EMID1: variants seen among roughly 807,000 people sequenced by gnomAD.
EMID1 encodes EMI domain-containing protein 1.
EMID1 carries 40 observed loss-of-function variants against 60.6 expected under a neutral mutation model. The observed-to-expected ratio is 0.66, with a 90% CI of 0.51 to 0.86. The LOEUF (loss-of-function observed/expected upper bound fraction) is 0.86. Ranked by LOEUF, EMID1 falls within the 40% of genes least tolerant of loss-of-function variation. The pLI is 0.00. For missense variants in EMID1, 585 were observed against 597.1 expected (o/e 0.98, Z 0.21); for synonymous variants, 242 against 231.0 (o/e 1.05, Z -0.43).
chr22:29,234,234 TG>T (rs1343254392), intron 11 of EMID1, 35 bp downstream of exon 11: 1 of 1,609,488 alleles, frequency 6.2e-7, no homozygotes, highest in Admixed American at 1.7e-5. Context: ...GGGGGAATTC[TG>T]GGGAGTCCTG....
chr22:29,225,184 G>A lies in EMID1; in HGVS notation c.371G>A (p.Arg124Gln), dbSNP rs34772704. 3.8e-3 allele frequency: 6,057 copies of A among 1,613,960 alleles called. 19 individuals are homozygous for A. The highest frequency in any genetic ancestry group is 0.015 in the Middle Eastern group (89 of 6,060). ...LEPMWSGSTM[R>Q]RMALRPTAFS... ...CCCATGTGGTCGGGCAGTACCATGC[G>A]GCGGATGGCGCTTCGGCCCACAGCC... The change falls in exon 4 of 15, where the codon CGG (arginine) becomes CAG (glutamine). Residue 124 changes from arginine (R) to glutamine (Q), a missense_variant. Arg to Gln is a conservative substitution (Grantham distance 43). Transcript: ENST00000334018.
Position 29,205,959 on chromosome 22 carries a change from C to A in EMID1, c.-80C>A. 5.7e-6 allele frequency: 5 copies of A among 872,788 alleles called. No individual in the cohort carries two copies. The highest frequency in any genetic ancestry group is 5.3e-5 in the South Asian group (1 of 18,992). 54.1% of individuals were successfully genotyped at this position (872,788 alleles called of 1,614,324 possible). Reference sequence around the variant, plus strand: ...GGCTCCGCGCGTCCGGGGCGGCTGGCGGCGCGGGCAGGCAGGCGGGGAGGA... The same window carrying A: ...GGCTCCGCGCGTCCGGGGCGGCTGGAGGCGCGGGCAGGCAGGCGGGGAGGA... On this transcript the variant is annotated 5_prime_UTR_variant, in exon 1 of 15. Transcript: ENST00000334018.
chr22:29,231,064 A>G lies in EMID1; in HGVS notation c.510A>G (p.Pro170=). Residue 170 remains proline (P), a synonymous_variant, in exon 6 of 15, where the codon CCA becomes CCG. Coordinates refer to ENST00000334018, the MANE Select transcript of EMID1 (RefSeq NM_133455.4). ...TVIEQPVPPT[P]ATPEDPAPLW... is the part of the protein sequence containing the mutation. ...TAGAGCAGCCAGTACCTCCAACACC[A>G]GCTACCCCTGAGGACCCTGCCCCGC... 6.2e-7 allele frequency: 1 copy of G among 1,613,936 alleles called. No homozygotes were observed. The highest frequency in any genetic ancestry group is 8.5e-7 in the Non-Finnish European group (1 of 1,179,898).
chr22:29,258,354 A>T (rs2041779468), intron 14 of EMID1, among the ~76,000 whole-genome samples: 1 of 152,092 alleles, frequency 6.6e-6, no homozygotes, highest in South Asian at 2.1e-4. Flanking sequence ...CTTGCCCAAG[A>T]CTGCACAGTA....
chr22:29,237,585 T>G (rs1306414888), intron 12 of EMID1, among the ~76,000 whole-genome samples: 3 of 143,572 alleles, frequency 2.1e-5, no homozygotes, highest in Non-Finnish European at 4.5e-5. Context: ...GATCATGAGG[T>G]CAGGAGATGG....
At chr22:29,231,527 G>T in intron 6 of EMID1, 66 bp from the exon 7 acceptor site, 7 of 1,500,836 alleles carry the variant, frequency 4.7e-6, no homozygotes, top group Non-Finnish European at 6.4e-6. Context: ...TGGTTGGGGG[G>T]CTGGGGCCAG....
chr22:29,218,822 G>T (rs2040183102), intron 3 of EMID1, among the ~76,000 whole-genome samples: 1 of 152,212 alleles, frequency 6.6e-6, no homozygotes, highest in Non-Finnish European at 1.5e-5. Context: ...CCTGCAGACA[G>T]ATCAGCCCCA....
chr22:29,234,906 C>T (rs567945389), intron 12 of EMID1, among the ~76,000 whole-genome samples: 2 of 151,350 alleles, frequency 1.3e-5, no homozygotes, highest in East Asian at 3.9e-4. Flanking sequence ...TGCATCATGG[C>T]TGGGTGTGGT....
chr22:29,255,235 G>A, intron 14 of EMID1: 1 of 867,566 alleles, frequency 1.2e-6, no homozygotes, highest in Non-Finnish European at 1.5e-6. Flanking sequence ...TCGGAGGCCA[G>A]ACTCGCACCG....
chr22:29,232,663 C>A, intron 8 of EMID1: 1 of 454,476 alleles, frequency 2.2e-6, no homozygotes, highest in Non-Finnish European at 3.9e-6. Flanking sequence ...GCCTCCAGAA[C>A]CTGTGCTTAG....
In EMID1 at chr22:29,254,522, G is replaced by T. The variant is rs1286024592; in HGVS notation, c.1204+235G>T. On this transcript the variant is annotated intron_variant, in intron 14 of 14. Coordinates refer to ENST00000334018, the MANE Select transcript of EMID1 (RefSeq NM_133455.4). The stretch of plus-strand genomic sequence containing the variant: ...GCCCTGCTGCTGTGGTCAGACCTGG[G>T]CCTCTAAGCATTATGGGTAGTGTGG... 4 of 514,940 alleles carry T rather than the reference G, an allele frequency of 7.8e-6. No homozygotes were observed. The East Asian group carries it at 1.4e-4, about 18-fold the overall frequency. The allele number at this position is 514,940 out of a possible 1,614,324, so 31.9% of individuals were successfully genotyped here.
intron 3 of EMID1, among the ~76,000 whole-genome samples, chr22:29,218,083 A>T (rs975416157): frequency 1.3e-5 from 2 of 152,144 alleles, no homozygotes; most frequent in Non-Finnish European, 2.9e-5. Context: ...CTTTATCTGG[A>T]AGTCACCCAG....
intron 12 of EMID1, among the ~76,000 whole-genome samples, chr22:29,242,582 G>A (rs1434461310): frequency 6.6e-6 from 1 of 152,008 alleles, no homozygotes; most frequent in Admixed American, 6.6e-5. Flanking sequence ...GTAATTTTTT[G>A]TTGCACACTG....
chr22:29,232,283 G>T lies in EMID1; in HGVS notation c.704G>T (p.Gly235Val). Residue 235 changes from glycine (G) to valine (V), a missense_variant, in exon 8 of 15, where the codon GGC becomes GTC. Coordinates refer to ENST00000334018, the MANE Select transcript of EMID1 (RefSeq NM_133455.4). ...CCACAGGGCCCCCCAGGGAGCCCTG[G>T]CCGGGCTGGAGCTGTGGGCACCCCT... ...PGPQGPPGSP[G>V]RAGAVGTPGE... is the part of the protein sequence containing the mutation. 1 of 1,611,526 alleles carries T rather than the reference G, an allele frequency of 6.2e-7. No individual in the cohort carries two copies. The highest frequency in any genetic ancestry group is 8.5e-7 in the Non-Finnish European group (1 of 1,179,758).
Position 29,228,339 on chromosome 22 carries a change from GTAAT to G in EMID1, c.465+1802_465+1805del, listed in dbSNP as rs1297856950. ...AGACTCCGTCTCAAGAAAAAAAAAA[GTAAT>G]TAATTAATTAATTTAAATTAAAAAG... On this transcript the variant is annotated intron_variant, in intron 5 of 14. Transcript: ENST00000334018. Among the ~76,000 whole-genome samples the G allele has an allele frequency of 4.6e-5, 7 of 151,756 alleles. No individual in the cohort carries two copies. In the South Asian group the frequency reaches 6.2e-4, roughly 14 times the overall value.
In EMID1 at chr22:29,232,318, G is replaced by T. The variant is rs373030911; in HGVS notation, c.739G>T (p.Gly247Ter). The T allele has an allele frequency of 6.2e-7, 1 of 1,610,530 alleles. No individual in the cohort carries two copies. ...AGCTGTGGGCACCCCTGGAGAGAGG[G>T]GACCTCCTGGGCCACCAGGGCCTCC... ...AGAVGTPGER[G>*]PPGPPGPPGP... is the part of the protein sequence containing the mutation. Residue 247 changes from glycine (G) to a stop codon, truncating the protein, a stop_gained, in exon 8 of 15, where the codon GGA becomes TGA. Coordinates refer to ENST00000334018, the MANE Select transcript of EMID1 (RefSeq NM_133455.4). LOFTEE classifies it high-confidence loss of function.
At position 29,234,447 on chromosome 22, in the gene EMID1, T is replaced by C. The variant is rs971895766; in HGVS notation, c.1074+98T>C. 33 of 1,373,778 alleles carry C rather than the reference T, an allele frequency of 2.4e-5. No homozygotes were observed. In the African/African-American group the frequency reaches 4.4e-4, roughly 18 times the overall value. The allele number at this position is 1,373,778 out of a possible 1,614,324, so 85.1% of individuals were successfully genotyped here. On this transcript the variant is annotated intron_variant, in intron 12 of 14. Transcript: ENST00000334018. ...CCCCTGCAACCAGAGCTTCTAACCC[T>C]CCCTGTCTTGTCATTTATTTTCAGA...
intron 4 of EMID1, 35 bp downstream of exon 4, chr22:29,225,251 G>A: frequency 6.2e-7 from 1 of 1,609,318 alleles, no homozygotes; most frequent in Non-Finnish European, 8.5e-7. Flanking sequence ...GGTCCCCCTG[G>A]GCTGAGGGAG....
intron 13 of EMID1, among the ~76,000 whole-genome samples, chr22:29,245,635 C>T (rs766293326): frequency 5.3e-5 from 8 of 152,186 alleles, no homozygotes; most frequent in South Asian, 2.1e-4. Flanking sequence ...GCAAGGTCCC[C>T]GAGGGCTCCT....
Sources: gnomAD v4.1 joint callset for allele counts (sites outside exome capture counted in the v4.1 genomes callset) on GRCh38, gnomAD v4.1.1 for gene constraint, MANE v1.5 for transcripts, NCBI Gene and HGNC (gene_info 2026-07-23, HGNC 2026-07-21) for gene names.